Variants in ANP32A observed in about 807,000 individuals in gnomAD.
ANP32A encodes acidic nuclear phosphoprotein 32 family member A.
ANP32A carries 1 observed loss-of-function variant against 33.9 expected under a neutral mutation model. That is an observed-to-expected ratio of 0.03 (90% CI 0.01 to 0.14). The LOEUF is 0.14. ANP32A is among the 10% of genes least tolerant of loss of function. ANP32A has a pLI of 1.00. For missense variants in ANP32A, 155 were observed against 306.0 expected (o/e 0.51, Z 3.68); for synonymous variants, 115 against 120.5 (o/e 0.95, Z 0.30).
rs1173777705 is a variant in ANP32A, at chr15:68,780,576, T to C, written c.625-103A>G. The C allele has an allele frequency of 2.6e-6, 4 of 1,524,136 alleles. No individual in the cohort carries two copies. In the South Asian group the frequency reaches 3.9e-5, roughly 15 times the overall value. The allele number at this position is 1,524,136 out of a possible 1,614,324, so 94.4% of individuals were successfully genotyped here. A position where few individuals can be genotyped will look rare whatever the true frequency, so the allele number is the denominator to read the frequency against. Reference sequence around the variant, plus strand: ...AAAGGCCGGGGTCACCCCCAGCCTCTCAGAGCCCCCACCAAGACTTGACAT... The same window carrying C: ...AAAGGCCGGGGTCACCCCCAGCCTCCCAGAGCCCCCACCAAGACTTGACAT... On this transcript the variant is annotated intron_variant, in intron 5 of 6. Coordinates refer to ENST00000465139, the MANE Select transcript of ANP32A (RefSeq NM_006305.4). This position sits in a 1 kb window ranked among gnomAD's most constrained non-coding sequence, Gnocchi z 4.3.
chr15:68,786,552 G>A (rs1057411893), intron 3 of ANP32A, among the ~76,000 whole-genome samples: 2 of 152,092 alleles, frequency 1.3e-5, no homozygotes, highest in African/African-American at 4.8e-5. Context: ...GAGATACCAC[G>A]CCCGGCCTTA....
chr15:68,787,344 T>C (rs1893945594), intron 3 of ANP32A, 69 bp downstream of exon 3: 6 of 1,597,432 alleles, frequency 3.8e-6, no homozygotes, highest in African/African-American at 1.3e-5. Flanking sequence ...AATGCAAAAG[T>C]AGTATTTGCT....
intron 1 of ANP32A, among the ~76,000 whole-genome samples, chr15:68,817,198 AG>A (rs1894394244): frequency 6.6e-6 from 1 of 152,258 alleles, no homozygotes; most frequent in South Asian, 2.1e-4. Flanking sequence ...ATCCGGAGAA[AG>A]GCGGTTTACT....
chr15:68,784,199 G>A (rs565634008), intron 4 of ANP32A, 198 bp downstream of exon 4: 1 of 617,866 alleles, frequency 1.6e-6, no homozygotes, highest in African/African-American at 1.8e-5. Flanking sequence ...AGACAGATTA[G>A]GGACTATGGA....
At chr15:68,811,890 C>T (rs1009487056) in intron 1 of ANP32A, among the ~76,000 whole-genome samples, 5 of 121,460 alleles carry the variant, frequency 4.1e-5, no homozygotes, top group African/African-American at 1.5e-4. Context: ...GCACCTGCCA[C>T]GACACCCGGC....
intron 1 of ANP32A, among the ~76,000 whole-genome samples, chr15:68,793,497 G>A (rs1469637730): frequency 6.6e-6 from 1 of 152,178 alleles, no homozygotes; most frequent in Non-Finnish European, 1.5e-5. Context: ...AGGAGACACG[G>A]AAGAAACAGT....
Position 68,780,134 on chromosome 15 carries a change from T to C in ANP32A, c.697A>G (p.Arg233Gly), listed in dbSNP as rs748971233. The C allele has an allele frequency of 2.5e-6, 4 of 1,613,708 alleles. No individual in the cohort carries two copies. The South Asian group carries it at 3.3e-5, about 13-fold the overall frequency. The change falls in exon 7 of 7, where the codon AGG (arginine) becomes GGG (glycine). Residue 233 changes from arginine (R) to glycine (G), a missense_variant. By Grantham distance (125) the Arg-to-Gly change is moderately radical. Around this residue, in one of 4 missense-constraint regions of ANP32A, gnomAD observed 63 missense variants for 82.8 expected, o/e 0.76. Coordinates refer to ENST00000465139, the MANE Select transcript of ANP32A (RefSeq NM_006305.4). The surrounding 1 kb of genome is among the most constrained non-coding windows in gnomAD (Gnocchi z 4.3). ...GGTTCTCGTTTTCGCTTCTGACCCCTTTCTTCTTCTGGAAAAGTAAGAAAG... is the reference window on the plus strand; with the variant it reads ...GGTTCTCGTTTTCGCTTCTGACCCCCTTCTTCTTCTGGAAAAGTAAGAAAG... ...EDEEELGEEE[R>G]GQKRKREPED...
intron 5 of ANP32A, among the ~76,000 whole-genome samples, chr15:68,781,788 G>C (rs921264584): frequency 6.6e-6 from 1 of 152,104 alleles, no homozygotes; most frequent in Non-Finnish European, 1.5e-5. Context: ...ATTTTTAGTA[G>C]AGATGGAGTC....
chr15:68,793,217 T>C (rs1318369748), intron 1 of ANP32A, among the ~76,000 whole-genome samples: 1 of 152,226 alleles, frequency 6.6e-6, no homozygotes, highest in Non-Finnish European at 1.5e-5. Flanking sequence ...TCCTGTTTAT[T>C]GCGCCAGGTA....
Position 68,780,766 on chromosome 15 carries a change from C to T in ANP32A, c.625-293G>A, listed in dbSNP as rs750464889. Reference sequence around the variant, plus strand: ...TGGATTCCAGGACCCAGGTTAAGAACTCTGATCTGAAGTCCCTGTAAGGCA... The same window carrying T: ...TGGATTCCAGGACCCAGGTTAAGAATTCTGATCTGAAGTCCCTGTAAGGCA... On this transcript the variant is annotated intron_variant, in intron 5 of 6. Transcript: ENST00000465139. This position sits in a 1 kb window ranked among gnomAD's most constrained non-coding sequence, Gnocchi z 4.3. 4 of 335,182 alleles carry T rather than the reference C, an allele frequency of 1.2e-5. No homozygotes were observed. Among genetic ancestry groups the T allele is most frequent in the Non-Finnish European group, 1.6e-5 (3 of 185,082 alleles). The allele number at this position is 335,182 out of a possible 1,614,324, so 20.8% of individuals were successfully genotyped here.
In ANP32A at chr15:68,778,967, G is replaced by A. The variant is rs1893828758; in HGVS notation, c.*1114C>T. ...AAACAGACATAAAACTCAAAGTTTG[G>A]CTCTTCTGAGGGGCAGGAGAAAAAC... On this transcript the variant is annotated 3_prime_UTR_variant, in exon 7 of 7. Coordinates refer to ENST00000465139, the MANE Select transcript of ANP32A (RefSeq NM_006305.4). The A allele has an allele frequency of 6.6e-6, 1 of 152,074 alleles. No individual in the cohort carries two copies. The highest frequency in any genetic ancestry group is 2.4e-5 in the African/African-American group (1 of 41,404). 9.4% of individuals were successfully genotyped at this position (152,074 alleles called of 1,614,324 possible). A position where few individuals can be genotyped will look rare whatever the true frequency, so the allele number is the denominator to read the frequency against.
In ANP32A at chr15:68,788,461, G is replaced by A. The variant is rs556827212; in HGVS notation, c.55-542C>T. ...CCATGTGGCCTGTCCTGAGGCAGGC[G>A]CAGCAGACCAGGGGCTCCTCCAGCT... On this transcript the variant is annotated intron_variant, in intron 1 of 6. Coordinates refer to ENST00000465139, the MANE Select transcript of ANP32A (RefSeq NM_006305.4). Among the ~76,000 whole-genome samples, 283 of 152,176 alleles carry A rather than the reference G, an allele frequency of 1.9e-3. 2 individuals are homozygous for A. The highest frequency in any genetic ancestry group is 3.2e-3 in the Non-Finnish European group (220 of 68,024).
At chr15:68,803,798 C>CTTTTTTTT (rs3985625) in intron 1 of ANP32A, among the ~76,000 whole-genome samples, 5 of 101,156 alleles carry the variant, frequency 4.9e-5, no homozygotes, top group African/African-American at 1.1e-4. Context: ...ATTTCACAAA[C>CTTTTTTTT]TTTTTTTTTT....
intron 1 of ANP32A, among the ~76,000 whole-genome samples, chr15:68,817,943 T>A (rs1395590608): frequency 6.6e-6 from 1 of 152,008 alleles, no homozygotes. Context: ...CCGGCAGTCG[T>A]GCCACAGGCG....
intron 1 of ANP32A, among the ~76,000 whole-genome samples, chr15:68,798,851 ACAG>A (rs1894094881): frequency 6.6e-6 from 1 of 152,224 alleles, no homozygotes; most frequent in African/African-American, 2.4e-5. Context: ...ATGCAAAATG[ACAG>A]CAGCATCAGC....
At chr15:68,787,689 T>C in intron 2 of ANP32A, 81 bp downstream of exon 2, 1 of 1,598,784 alleles carries the variant, frequency 6.3e-7, no homozygotes, top group Non-Finnish European at 8.5e-7. Context: ...TTCCCTTCAA[T>C]TACTCTTTCT....
chr15:68,817,142 G>A (rs1425634356), intron 1 of ANP32A, among the ~76,000 whole-genome samples: 1 of 152,238 alleles, frequency 6.6e-6, no homozygotes, highest in African/African-American at 2.4e-5. Context: ...AGAGATGCCA[G>A]CATCGGAGGA....
rs555650329 is a variant in ANP32A, at chr15:68,802,813, C to T, written c.55-14894G>A. 5.3e-5 allele frequency among the ~76,000 whole-genome samples: 8 copies of T among 152,194 alleles called. No individual in the cohort carries two copies. The South Asian group carries it at 1.5e-3, about 28-fold the overall frequency. On this transcript the variant is annotated intron_variant, in intron 1 of 6. Coordinates refer to ENST00000465139, the MANE Select transcript of ANP32A (RefSeq NM_006305.4). Reference sequence around the variant, plus strand: ...GATTACAGGTATGTGCCATCATGCCCGGCTAATTTTTTATATTTTTGGTAG... The same window carrying T: ...GATTACAGGTATGTGCCATCATGCCTGGCTAATTTTTTATATTTTTGGTAG...
chr15:68,818,860 T>C (rs1236118726), intron 1 of ANP32A, among the ~76,000 whole-genome samples: 1 of 145,310 alleles, frequency 6.9e-6, no homozygotes, highest in South Asian at 2.2e-4. Flanking sequence ...CCCCAAACGC[T>C]AGGCGCCGGG....
Sources: gnomAD v4.1 joint callset for allele counts (sites outside exome capture counted in the v4.1 genomes callset) on GRCh38, gnomAD v4.1.1 for gene constraint, gnomAD v4.1.1 regional missense constraint, Gnocchi (gnomAD v3.1) non-coding constraint, MANE v1.5 for transcripts, NCBI Gene and HGNC (gene_info 2026-07-23, HGNC 2026-07-21) for gene names.